The following FSIP2 variants were observed in gnomAD, a reference collection of about 807,000 sequenced individuals.
FSIP2 encodes the protein fibrous sheath-interacting protein 2.
Under a neutral mutation model 510.5 loss-of-function variants are expected in FSIP2, and 367 were observed. The ratio of observed to expected loss-of-function variants is 0.72; its 90% CI spans 0.66 to 0.78. FSIP2 has a LOEUF of 0.78. FSIP2 is among the 30% of genes least tolerant of loss of function. The pLI is 0.00. For missense variants in FSIP2, 7,594 were observed against 7,901.7 expected, an observed-to-expected ratio of 0.96 and a Z score of 1.48; for synonymous variants, 2,601 against 2,732.2, an observed-to-expected ratio of 0.95 and a Z score of 1.50.
At chr2:185,749,767 C>T (rs546876639) in intron 7 of FSIP2, among the ~76,000 whole-genome samples, 6 of 151,706 alleles carry the variant, frequency 4.0e-5, no homozygotes, top group African/African-American at 7.2e-5. Flanking sequence ...ATTAAGTCGT[C>T]GCCATTAATT....
Position 185,745,468 on chromosome 2 carries a change from A to G in FSIP2, c.517A>G (p.Asn173Asp). 1 of 1,535,022 alleles carries G rather than the reference A, an allele frequency of 6.5e-7. No individual in the cohort carries two copies. The highest frequency in any genetic ancestry group is 8.7e-7 in the Non-Finnish European group (1 of 1,146,008). ...AKQLHNIPEN[N>D]QIPQHCDVAQ... ...ACAACTACATAACATACCGGAAAAC[A>G]ATCAAATCCCTCAACATTGTGATGT... The change falls in exon 5 of 23, where the codon AAT (asparagine) becomes GAT (aspartate). Residue 173 changes from asparagine (N) to aspartate (D), a missense_variant. Asn to Asp is a conservative substitution (Grantham distance 23). Coordinates refer to ENST00000424728, the MANE Select transcript of FSIP2 (RefSeq NM_173651.4).
At chr2:185,755,238 A>AAAC (rs1352127120) in intron 8 of FSIP2, among the ~76,000 whole-genome samples, 1 of 151,546 alleles carries the variant, frequency 6.6e-6, no homozygotes, top group African/African-American at 2.4e-5. Context: ...TTATAATAGT[A>AAAC]AACTCCCACC....
Position 185,789,309 on chromosome 2 carries a change from T to G in FSIP2, c.2173T>G (p.Ser725Ala), listed in dbSNP as rs376218995. Residue 725 changes from serine (S) to alanine (A), a missense_variant, in exon 16 of 23, where the codon TCT becomes GCT. Coordinates refer to ENST00000424728, the MANE Select transcript of FSIP2 (RefSeq NM_173651.4). ...GTCTGATTTAACCCAGGCCATTCCC[T>G]CTCTCTCTTCTGTTACTGCTGAAGT... ...IMSDLTQAIP[S>A]LSSVTAEVFV... is the part of the protein sequence containing the mutation. The G allele has an allele frequency of 1.1e-5, 17 of 1,534,294 alleles. No homozygotes were observed. In the East Asian group the frequency reaches 2.0e-4, roughly 18 times the overall value.
chr2:185,803,264 A>C lies in FSIP2; in HGVS notation c.13958A>C (p.Glu4653Ala), dbSNP rs1345059037. The C allele has an allele frequency of 2.6e-6, 4 of 1,525,452 alleles. No individual in the cohort carries two copies. Among genetic ancestry groups the C allele is most frequent in the Admixed American group, 4.1e-5 (2 of 49,154 alleles). 94.5% of individuals were successfully genotyped at this position (1,525,452 alleles called of 1,614,324 possible). ...QTKSIRDSED[E>A]LFEKAEELIH... ...AAATCCATAAGAGATTCAGAAGATG[A>C]ACTGTTTGAGAAAGCTGAAGAACTC... Residue 4653 changes from glutamate to alanine, a missense_variant, in exon 17 of 23, where the codon GAA becomes GCA. Transcript: ENST00000424728.
At position 185,800,251 on chromosome 2, in the gene FSIP2, AAT is replaced by A; in HGVS notation, c.10947_10948del (p.Asn3649LysfsTer23). Reference protein sequence around the residue: ...NNSVPLCNKINRQASPRDWQF... With the variant: ...NNSVPLCNKIXRQASPRDWQF... ...TAGTGTACCCCTTTGCAACAAAATCAATAGACAGGCAAGCCCCAGAGACTGGC... is the reference window on the plus strand; with the variant it reads ...TAGTGTACCCCTTTGCAACAAAATCAAGACAGGCAAGCCCCAGAGACTGGC... On this transcript the variant is annotated frameshift_variant, in exon 17 of 23. Transcript: ENST00000424728. LOFTEE classifies it high-confidence loss of function. 2 of 1,532,948 alleles carry A rather than the reference AAT, an allele frequency of 1.3e-6. No homozygotes were observed. The highest frequency in any genetic ancestry group is 1.7e-6 in the Non-Finnish European group (2 of 1,145,372). The allele number at this position is 1,532,948 out of a possible 1,614,324, so 95.0% of individuals were successfully genotyped here.
At chr2:185,817,352 C>A (rs998570322) in intron 19 of FSIP2, among the ~76,000 whole-genome samples, 1 of 151,998 alleles carries the variant, frequency 6.6e-6, no homozygotes, top group Non-Finnish European at 1.5e-5. Flanking sequence ...AGAGGGACTG[C>A]AGAACCATAA....
chr2:185,764,552 T>C lies in FSIP2; in HGVS notation c.1398T>C (p.Tyr466=). 6.6e-7 allele frequency: 1 copy of C among 1,525,434 alleles called. No homozygotes were observed. The highest frequency in any genetic ancestry group is 1.4e-5 in the African/African-American group (1 of 72,790). 94.5% of individuals were successfully genotyped at this position (1,525,434 alleles called of 1,614,324 possible). A position where few individuals can be genotyped will look rare whatever the true frequency, so the allele number is the denominator to read the frequency against. ...GAAGACCAACCAAGAGATCAAGCTA[T>C]CTCTGCGAATCAGGTAAATATCAGC... is the stretch of plus-strand genomic sequence containing the variant. ...WDGRPTKRSS[Y]LCESGPQAHA... is the part of the protein sequence containing the mutation. The change falls in exon 13 of 23, where the codon TAT becomes TAC. Residue 466 remains tyrosine, a synonymous_variant. Coordinates refer to ENST00000424728, the MANE Select transcript of FSIP2 (RefSeq NM_173651.4).
At chr2:185,785,653 C>T (rs10931197) in intron 14 of FSIP2, among the ~76,000 whole-genome samples, 82,758 of 151,638 alleles carry the variant, frequency 0.55, 22,818 homozygotes, top group South Asian at 0.64. Context: ...TAGTGTGTGA[C>T]GGTAAATCTA....
intron 16 of FSIP2, among the ~76,000 whole-genome samples, chr2:185,797,960 G>A (rs1283675304): frequency 2.6e-5 from 4 of 151,770 alleles, no homozygotes; most frequent in African/African-American, 9.7e-5. Context: ...CAAAGTGTTG[G>A]GATTACTGGC....
Position 185,808,282 on chromosome 2 carries a change from A to G in FSIP2, c.18976A>G (p.Ile6326Val). The stretch of plus-strand genomic sequence containing the variant: ...AATTATGGAAAAAGTGATCAAAATT[A>G]TTGATGAACTTAAGTCTAAGGAAAA... ...VKIMEKVIKI[I>V]DELKSKEKSS... is the part of the protein sequence containing the mutation. Residue 6326 changes from isoleucine to valine, a missense_variant, in exon 17 of 23, where the codon ATT becomes GTT. Transcript: ENST00000424728. 5.0e-6 allele frequency: 8 copies of G among 1,602,024 alleles called. No homozygotes were observed. Among genetic ancestry groups the G allele is most frequent in the Non-Finnish European group, 6.8e-6 (8 of 1,176,104 alleles).
At chr2:185,815,176 C>T (rs1433350753) in intron 18 of FSIP2, among the ~76,000 whole-genome samples, 195 bp from the exon 19 acceptor site, 2 of 151,920 alleles carry the variant, frequency 1.3e-5, no homozygotes, top group African/African-American at 4.8e-5. Context: ...TTTAGGTAAT[C>T]TTCACTGAAC....
chr2:185,806,403 T>C lies in FSIP2; in HGVS notation c.17097T>C (p.Tyr5699=), dbSNP rs570209778. 3 of 1,611,946 alleles carry C rather than the reference T, an allele frequency of 1.9e-6. No homozygotes were observed. In the East Asian group the frequency reaches 6.7e-5, roughly 36 times the overall value. Residue 5699 remains tyrosine (Y), a synonymous_variant, in exon 17 of 23, where the codon TAT becomes TAC. Coordinates refer to ENST00000424728, the MANE Select transcript of FSIP2 (RefSeq NM_173651.4). ...LELSSSPEPA[Y]YSKLSYDQSP... ...TATCTTCTTCTCCAGAACCAGCATATTATTCGAAACTCAGTTATGACCAAA... is the reference window on the plus strand; with the variant it reads ...TATCTTCTTCTCCAGAACCAGCATACTATTCGAAACTCAGTTATGACCAAA...
At chr2:185,739,296 A>G in intron 1 of FSIP2, 50 bp from the exon 2 acceptor site, 2 of 1,485,412 alleles carry the variant, frequency 1.3e-6, no homozygotes, top group Non-Finnish European at 8.9e-7. Context: ...TCTAAACTAA[A>G]CTAATACTGC....
At chr2:185,824,555 GAAGTT>G (rs2105683989) in intron 20 of FSIP2, 75 bp downstream of exon 20, 1 of 852,936 alleles carries the variant, frequency 1.2e-6, no homozygotes, top group East Asian at 2.5e-5. Flanking sequence ...TATCAAACTT[GAAGTT>G]AATACAGGTT....
chr2:185,738,596 G>A, upstream of FSIP2: 1 of 1,535,536 alleles, frequency 6.5e-7, no homozygotes. Flanking sequence ...TTTTCGTTAG[G>A]ATTGGCTAAG....
At chr2:185,816,744 T>TACTC (rs1028695244) in intron 19 of FSIP2, among the ~76,000 whole-genome samples, 6 of 151,844 alleles carry the variant, frequency 4.0e-5, no homozygotes, top group Non-Finnish European at 7.4e-5. Flanking sequence ...TAGTCCTAGC[T>TACTC]ACTCAGGAGG....
chr2:185,802,707 A>G lies in FSIP2; in HGVS notation c.13401A>G (p.Thr4467=). ...TATATAACACCTTGCTGCCATACAC[A>G]TTTTTAGAAGATATGATCAGAGTAC... ...VPLYNTLLPY[T]FLEDMIRVLL... Residue 4467 remains threonine (T), a synonymous_variant, in exon 17 of 23, where the codon ACA becomes ACG. Transcript: ENST00000424728. The G allele has an allele frequency of 6.6e-7, 1 of 1,525,540 alleles. No homozygotes were observed. 94.5% of individuals were successfully genotyped at this position (1,525,540 alleles called of 1,614,324 possible).
chr2:185,768,085 C>T (rs990187865), intron 13 of FSIP2, among the ~76,000 whole-genome samples: 2 of 151,940 alleles, frequency 1.3e-5, no homozygotes, highest in African/African-American at 4.8e-5. Flanking sequence ...AGTGGTATAT[C>T]ATTATGGTTT....
At chr2:185,825,063 T>C (rs1693992172) in intron 20 of FSIP2, among the ~76,000 whole-genome samples, 1 of 151,760 alleles carries the variant, frequency 6.6e-6, no homozygotes, top group South Asian at 2.1e-4. Flanking sequence ...GAGTGTCATG[T>C]TTACTATAAA....
Sources: allele counts gnomAD v4.1 joint callset (sites outside exome capture counted in the v4.1 genomes callset), GRCh38; gene constraint gnomAD v4.1.1; transcripts MANE v1.5; gene names NCBI Gene and HGNC (gene_info 2026-07-23, HGNC 2026-07-21).